Variants in SPIN1 observed in about 807,000 individuals in gnomAD.
SPIN1 encodes spindlin 1, also known as spindlin-1.
A neutral mutation model predicts 26.0 loss-of-function variants in SPIN1; 3 were observed. The observed-to-expected ratio is 0.12, with a 90% CI of 0.05 to 0.30. The LOEUF (loss-of-function observed/expected upper bound fraction) is 0.30. SPIN1 is among the 10% of genes least tolerant of loss of function. The pLI, the probability that SPIN1 is intolerant of heterozygous loss-of-function variation, is 1.00. For synonymous variants in SPIN1, 101 were observed against 116.5 expected, an observed-to-expected ratio of 0.87 and a Z score of 0.86; for missense variants, 126 against 333.4, an observed-to-expected ratio of 0.38 and a Z score of 4.84.
Position 88,408,981 on chromosome 9 carries a change from T to TTGTGTGTGTGTGTGTG in SPIN1, c.-158-17387_-158-17372dup, listed in dbSNP as rs148808911. Among the ~76,000 whole-genome samples the TTGTGTGTGTGTGTGTG allele has an allele frequency of 5.3e-3, 725 of 136,678 alleles. 7 individuals are homozygous for TTGTGTGTGTGTGTGTG. Among genetic ancestry groups the TTGTGTGTGTGTGTGTG allele is most frequent in the African/African-American group, 0.018 (639 of 36,338 alleles). The allele number at this position is 136,678 out of a possible 152,430, so 89.7% of individuals were successfully genotyped here. A position where few individuals can be genotyped will look rare whatever the true frequency, so the allele number is the denominator to read the frequency against. The stretch of plus-strand genomic sequence containing the variant: ...CCGGCCCTTTTGTGTTTGTGTGTGT[T>TTGTGTGTGTGTGTGTG]TGTGTGTGTGTGTGTGTGTGTGTGT... On this transcript the variant is annotated intron_variant, in intron 1 of 5. Transcript: ENST00000375859.
At chr9:88,470,715 C>T (rs927161778) in intron 5 of SPIN1, among the ~76,000 whole-genome samples, 3 of 152,086 alleles carry the variant, frequency 2.0e-5, no homozygotes, top group Admixed American at 2.0e-4. Context: ...CTGCCTCAGC[C>T]TCCCCAGTAG....
intron 2 of SPIN1, among the ~76,000 whole-genome samples, chr9:88,439,303 G>T (rs1828070668): frequency 6.6e-6 from 1 of 152,180 alleles, no homozygotes; most frequent in Admixed American, 6.5e-5. Flanking sequence ...TATAAATTCA[G>T]TGTCAGGAAT....
intron 1 of SPIN1, among the ~76,000 whole-genome samples, chr9:88,414,166 CTG>C (rs1382338133): frequency 6.6e-6 from 1 of 152,192 alleles, no homozygotes. Flanking sequence ...ATGTGAGCCT[CTG>C]TGTCCAGAGT....
chr9:88,405,997 T>TTGTGTG (rs1212598381), intron 1 of SPIN1, among the ~76,000 whole-genome samples: 5 of 138,840 alleles, frequency 3.6e-5, no homozygotes, highest in African/African-American at 1.3e-4. Context: ...CGTGCCTGGC[T>TTGTGTG]TGTGTGTCTG....
chr9:88,402,920 C>T (rs1416734300), intron 1 of SPIN1, among the ~76,000 whole-genome samples: 15 of 152,028 alleles, frequency 9.9e-5, no homozygotes, highest in Admixed American at 9.8e-4. Context: ...AATTTCCATC[C>T]CAGTGTATAA....
At chr9:88,459,967 TATCCCTTACACATG>T (rs1332384957) in intron 3 of SPIN1, among the ~76,000 whole-genome samples, 1 of 152,214 alleles carries the variant, frequency 6.6e-6, no homozygotes, top group Non-Finnish European at 1.5e-5. Context: ...ATTCTGAGTC[TATCCCTTACACATG>T]ATTTGGTCCT....
intron 2 of SPIN1, among the ~76,000 whole-genome samples, chr9:88,437,069 C>CT (rs1489763607): frequency 3.3e-5 from 5 of 152,086 alleles, no homozygotes; most frequent in Non-Finnish European, 7.4e-5. Context: ...CCGGCCTCCT[C>CT]TGTGTCTTTT....
At chr9:88,404,330 A>G (rs1827250604) in intron 1 of SPIN1, among the ~76,000 whole-genome samples, 1 of 152,180 alleles carries the variant, frequency 6.6e-6, no homozygotes, top group Non-Finnish European at 1.5e-5. Flanking sequence ...TTCTTCAATA[A>G]TAACTTAACC....
At chr9:88,473,569 G>A (rs1828832093) in intron 5 of SPIN1, among the ~76,000 whole-genome samples, 1 of 152,068 alleles carries the variant, frequency 6.6e-6, no homozygotes, top group Non-Finnish European at 1.5e-5. Context: ...CATAGGAAAT[G>A]CAAGGGCGTC....
chr9:88,421,185 T>G (rs959839091), intron 1 of SPIN1, among the ~76,000 whole-genome samples: 1 of 152,204 alleles, frequency 6.6e-6, no homozygotes, highest in Non-Finnish European at 1.5e-5. Flanking sequence ...AAAGAATATA[T>G]TCTCAGGCAT....
At chr9:88,400,863 AT>A (rs1400948974) in intron 1 of SPIN1, among the ~76,000 whole-genome samples, 2 of 146,592 alleles carry the variant, frequency 1.4e-5, no homozygotes, top group Non-Finnish European at 3.0e-5. Context: ...AAAAAAAAAA[AT>A]TAGCCGGGTG....
chr9:88,405,161 A>C (rs1397731102), intron 1 of SPIN1, among the ~76,000 whole-genome samples: 1 of 152,214 alleles, frequency 6.6e-6, no homozygotes, highest in Non-Finnish European at 1.5e-5. Context: ...AAACATAGTT[A>C]ATACATAAAC....
chr9:88,412,710 T>G (rs1287180289), intron 1 of SPIN1, among the ~76,000 whole-genome samples: 3 of 152,000 alleles, frequency 2.0e-5, no homozygotes. Context: ...TTTTAGACAG[T>G]CTCACTCAGT....
intron 1 of SPIN1, among the ~76,000 whole-genome samples, chr9:88,415,285 A>G (rs1236200398): frequency 6.6e-6 from 1 of 152,186 alleles, no homozygotes; most frequent in East Asian, 1.9e-4. Context: ...CTGCTTTGCC[A>G]GGATCCTTAA....
rs776223657 is a variant in SPIN1, at chr9:88,436,754, C to CTTTTT, written c.52+10187_52+10191dup. 1.9e-3 allele frequency among the ~76,000 whole-genome samples: 184 copies of CTTTTT among 98,792 alleles called. 14 individuals carry two copies. Among genetic ancestry groups the CTTTTT allele is most frequent in the Middle Eastern group, 6.4e-3 (1 of 156 alleles). The allele number at this position is 98,792 out of a possible 152,430, so 64.8% of individuals were successfully genotyped here. The stretch of plus-strand genomic sequence containing the variant: ...ATATGCACATAAATTTCCTCTGTGT[C>CTTTTT]TTTTTTTTTTTTTTTTTTTTTTTTT... On this transcript the variant is annotated intron_variant, in intron 2 of 5. Coordinates refer to ENST00000375859, the MANE Select transcript of SPIN1 (RefSeq NM_006717.3).
intron 1 of SPIN1, among the ~76,000 whole-genome samples, chr9:88,425,860 C>T (rs1206004348): frequency 1.3e-5 from 2 of 152,120 alleles, no homozygotes; most frequent in African/African-American, 4.8e-5. Context: ...AAGACCCTGG[C>T]CTGCTGATCT....
intron 1 of SPIN1, among the ~76,000 whole-genome samples, chr9:88,394,218 C>T (rs1391056799): frequency 6.6e-6 from 1 of 152,190 alleles, no homozygotes; most frequent in Non-Finnish European, 1.5e-5. Context: ...TGTTGAGGTC[C>T]TTTCAACCTG....
chr9:88,388,748 C>T (rs1336794015), intron 1 of SPIN1, among the ~76,000 whole-genome samples: 1 of 148,872 alleles, frequency 6.7e-6, no homozygotes, highest in Non-Finnish European at 1.5e-5. Context: ...TCGGGGCGGG[C>T]GCGCGCTCCT....
intron 3 of SPIN1, among the ~76,000 whole-genome samples, chr9:88,461,624 C>A (rs1347303110): frequency 6.6e-6 from 1 of 152,070 alleles, no homozygotes; most frequent in Non-Finnish European, 1.5e-5. Context: ...GAGCTTTATA[C>A]CCATAAAACT....
Sources: allele counts gnomAD v4.1 joint callset (sites outside exome capture counted in the v4.1 genomes callset), GRCh38; gene constraint gnomAD v4.1.1; transcripts MANE v1.5; gene names NCBI Gene and HGNC (gene_info 2026-07-23, HGNC 2026-07-21).